TTC23: variants seen among roughly 807,000 people sequenced by gnomAD.
TTC23 encodes tetratricopeptide repeat protein 23.
Under a neutral mutation model 55.1 loss-of-function variants are expected in TTC23, and 58 were observed. The ratio of observed to expected loss-of-function variants is 1.05; its 90% CI spans 0.85 to 1.31. The LOEUF is 1.31. TTC23 is among the 50% of genes most tolerant of loss of function. The probability of loss-of-function intolerance (pLI) is 0.00; values close to 1 mark genes in which losing one functional copy is unlikely to be tolerated. For synonymous variants in TTC23, 203 were observed against 199.9 expected (o/e 1.02, Z -0.13); for missense variants, 516 against 534.4 (o/e 0.97, Z 0.34).
At position 99,245,998 on chromosome 15, in the gene TTC23, C is replaced by T. The variant is rs547134225; in HGVS notation, c.-430-488G>A. Among the ~76,000 whole-genome samples, 19 of 151,982 alleles carry T rather than the reference C, an allele frequency of 1.3e-4. No individual in the cohort carries two copies. The South Asian group carries it at 3.1e-3, about 25-fold the overall frequency. ...CACGCCCAGCTAATTTTAGTAGAGA[C>T]GGGGTTTCACCCTGTTGGCCAGGCT... is the stretch of plus-strand genomic sequence containing the variant. On this transcript the variant is annotated intron_variant, in intron 1 of 13. Transcript: ENST00000394132.
intron 10 of TTC23, among the ~76,000 whole-genome samples, chr15:99,166,299 G>A (rs373251715): frequency 6.6e-6 from 1 of 152,070 alleles, no homozygotes; most frequent in East Asian, 1.9e-4. Flanking sequence ...TAACTGCCCC[G>A]AAAAGCACCC....
At chr15:99,192,389 T>A (rs190683034) in intron 9 of TTC23, among the ~76,000 whole-genome samples, 44 of 152,166 alleles carry the variant, frequency 2.9e-4, no homozygotes, top group African/African-American at 9.6e-4. Context: ...GGGCCCAGGG[T>A]CCCCATGCTG....
rs1267321947 is a variant in TTC23, at chr15:99,139,039, C to A, written c.1226+278G>T. ...AGGCCACAGGGATTCCCGGGGCCCTCCCCCTGCAGCAGGTGCCTTAGCCTG... is the reference window on the plus strand; with the variant it reads ...AGGCCACAGGGATTCCCGGGGCCCTACCCCTGCAGCAGGTGCCTTAGCCTG... On this transcript the variant is annotated intron_variant, in intron 13 of 13. Transcript: ENST00000394132. 1.0e-5 allele frequency: 5 copies of A among 476,394 alleles called. No individual in the cohort carries two copies. In the East Asian group the frequency reaches 2.1e-4, roughly 20 times the overall value. The allele number at this position is 476,394 out of a possible 1,614,324, so 29.5% of individuals were successfully genotyped here.
intron 11 of TTC23, chr15:99,160,998 G>A (rs1008198790): frequency 9.4e-5 from 13 of 137,972 alleles, no homozygotes; most frequent in African/African-American, 3.6e-4. Context: ...GGGTGACAGA[G>A]CAAGACTCTG....
chr15:99,165,208 AG>A (rs1596347291), intron 10 of TTC23, among the ~76,000 whole-genome samples: 2 of 152,350 alleles, frequency 1.3e-5, no homozygotes, highest in East Asian at 3.9e-4. Context: ...TTGAGAGGAC[AG>A]AAATGGACAT....
chr15:99,246,638 T>C (rs1232335157), intron 1 of TTC23, among the ~76,000 whole-genome samples: 2 of 137,764 alleles, frequency 1.5e-5, no homozygotes, highest in African/African-American at 2.7e-5. Flanking sequence ...TTTATTAACA[T>C]GGGCTGGCGC....
chr15:99,224,765 C>T (rs763621807), intron 5 of TTC23, among the ~76,000 whole-genome samples: 4 of 152,196 alleles, frequency 2.6e-5, no homozygotes, highest in East Asian at 1.9e-4. Flanking sequence ...ATGCCCCTTA[C>T]GTTGAACTGA....
At chr15:99,228,437 G>A (rs3759903) in intron 5 of TTC23, 96 bp downstream of exon 5, 3 of 1,134,692 alleles carry the variant, frequency 2.6e-6, no homozygotes, top group Admixed American at 6.1e-5. Context: ...TCAAACTGCT[G>A]AGATTAGGAA....
intron 5 of TTC23, among the ~76,000 whole-genome samples, chr15:99,222,773 G>A (rs1217467034): frequency 1.3e-5 from 2 of 152,154 alleles, no homozygotes; most frequent in African/African-American, 4.8e-5. Flanking sequence ...GGAGATGGGT[G>A]AATCACAAGG....
intron 4 of TTC23, among the ~76,000 whole-genome samples, chr15:99,230,608 T>C (rs1251888795): frequency 6.6e-6 from 1 of 151,308 alleles, no homozygotes. Context: ...ATCTCAAAAG[T>C]AGAGAAAAAA....
chr15:99,212,404 C>T (rs763217588), intron 8 of TTC23, among the ~76,000 whole-genome samples: 21 of 152,220 alleles, frequency 1.4e-4, no homozygotes, highest in Non-Finnish European at 2.6e-4. Flanking sequence ...TAAATTTGCC[C>T]CTTTTTGTAA....
At chr15:99,174,548 G>A (rs1226689306) in intron 10 of TTC23, among the ~76,000 whole-genome samples, 1 of 151,816 alleles carries the variant, frequency 6.6e-6, no homozygotes, top group Non-Finnish European at 1.5e-5. Context: ...AATAATTCCT[G>A]AAGCTTGATG....
intron 13 of TTC23, 125 bp downstream of exon 13, chr15:99,139,192 A>G: frequency 8.2e-7 from 1 of 1,220,956 alleles, no homozygotes; most frequent in Non-Finnish European, 1.2e-6. Context: ...TCCTTTATGC[A>G]AGTTATGGGA....
In TTC23 at chr15:99,137,215, A is replaced by G. The variant is rs71403426; in HGVS notation, c.*795T>C. The G allele has an allele frequency of 0.079, 12,109 of 152,388 alleles. 515 individuals are homozygous for G. Among genetic ancestry groups the G allele is most frequent in the Admixed American group, 0.12 (1,846 of 15,308 alleles). The allele number at this position is 152,388 out of a possible 1,614,324, so 9.4% of individuals were successfully genotyped here. ...TCGACTTTGCCATCCTCACACGACT[A>G]TGGCCTCCTTCCAGGGGGCTGAAGA... is the stretch of plus-strand genomic sequence containing the variant. On this transcript the variant is annotated 3_prime_UTR_variant, in exon 14 of 14. Transcript: ENST00000394132.
At chr15:99,197,066 C>G (rs748548680) in intron 9 of TTC23, among the ~76,000 whole-genome samples, 1 of 152,034 alleles carries the variant, frequency 6.6e-6, no homozygotes, top group Non-Finnish European at 1.5e-5. Context: ...TGTTTTTGCT[C>G]CCTCATATCT....
intron 9 of TTC23, among the ~76,000 whole-genome samples, chr15:99,183,632 C>A (rs1039126521): frequency 1.3e-5 from 2 of 151,612 alleles, no homozygotes; most frequent in Non-Finnish European, 2.9e-5. Context: ...AGCCATCGCT[C>A]CTGGCCTGGT....
At chr15:99,243,161 A>G (rs188219737) in intron 2 of TTC23, among the ~76,000 whole-genome samples, 141 of 152,338 alleles carry the variant, frequency 9.3e-4, no homozygotes, top group Middle Eastern at 6.8e-3. Flanking sequence ...ATAGGAAAAA[A>G]AATCTAATAA....
chr15:99,156,192 G>A lies in TTC23; in HGVS notation c.1099C>T (p.Leu367=), dbSNP rs751069510. 8 of 1,614,202 alleles carry A rather than the reference G, an allele frequency of 5.0e-6. No homozygotes were observed. The highest frequency in any genetic ancestry group is 6.8e-6 in the Non-Finnish European group (8 of 1,180,034). Residue 367 remains leucine, a synonymous_variant, in exon 12 of 14, where the codon CTG becomes TTG. Transcript: ENST00000394132. ...GCCCCACTGTGGTTCCCCTGCGCCA[G>A]GTCTGCTCCTCCCAGGAGCCGGTAT... ...ETYRLLGGAD[L]AQGNHSGARK...
At chr15:99,203,598 A>G (rs1203108541) in intron 8 of TTC23, among the ~76,000 whole-genome samples, 1 of 152,030 alleles carries the variant, frequency 6.6e-6, no homozygotes, top group African/African-American at 2.4e-5. Context: ...TTTATACCCA[A>G]TAGTTTTCCC....
Sources: gnomAD v4.1 joint callset for allele counts (sites outside exome capture counted in the v4.1 genomes callset) on GRCh38, gnomAD v4.1.1 for gene constraint, MANE v1.5 for transcripts, NCBI Gene and HGNC (gene_info 2026-07-23, HGNC 2026-07-21) for gene names.